ANK2: variants seen among roughly 807,000 people sequenced by gnomAD.
ANK2 encodes ankyrin 2.
In ANK2, 83 loss-of-function variants were observed where a neutral mutation model predicts 360.5. The ratio of observed to expected loss-of-function variants is 0.23; its 90% CI spans 0.19 to 0.28. The LOEUF (loss-of-function observed/expected upper bound fraction) is 0.28. Ranked by LOEUF, ANK2 falls within the 10% of genes least tolerant of loss-of-function variation. The probability of loss-of-function intolerance (pLI) is 1.00; values close to 1 mark genes in which losing one functional copy is unlikely to be tolerated. For synonymous variants in ANK2, 1,740 were observed against 1,759.5 expected, an observed-to-expected ratio of 0.99 and a Z score of 0.28; for missense variants, 4,201 against 4,795.7, an observed-to-expected ratio of 0.88 and a Z score of 3.66.
At chr4:112,715,127 A>C in the ANK2 span, among the ~76,000 whole-genome samples, 1 of 152,264 alleles carries the variant, frequency 6.6e-6, no homozygotes, top group African/African-American at 2.4e-5. Flanking sequence ...ACGTCTGGTG[A>C]CCAATACTAC....
intron 43 of ANK2, chr4:113,372,684 G>A: frequency 1.7e-6 from 2 of 1,169,668 alleles, no homozygotes; most frequent in Admixed American, 4.1e-5. Context: ...TTCTAAGAGT[G>A]ATCAACCTGG....
At chr4:112,775,918 A>G in the ANK2 span, among the ~76,000 whole-genome samples, 1 of 152,202 alleles carries the variant, frequency 6.6e-6, no homozygotes, top group East Asian at 1.9e-4. Context: ...TTGTTAAAAC[A>G]TGTTGCAGCC....
At chr4:112,958,130 G>A (rs951592133) in intron 2 of ANK2, among the ~76,000 whole-genome samples, 1 of 150,642 alleles carries the variant, frequency 6.6e-6, no homozygotes, top group African/African-American at 2.4e-5. Context: ...CAGGCAGAGG[G>A]GCTCCTCACG....
chr4:112,776,874 C>T, the ANK2 span, among the ~76,000 whole-genome samples: 1 of 152,296 alleles, frequency 6.6e-6, no homozygotes, highest in South Asian at 2.1e-4. Flanking sequence ...TGTTTCATCC[C>T]TGAATGGCTT....
chr4:112,732,292 C>T, the ANK2 span, among the ~76,000 whole-genome samples: 1 of 150,510 alleles, frequency 6.6e-6, no homozygotes, highest in Non-Finnish European at 1.5e-5. Flanking sequence ...CCCTGTTGCC[C>T]AGGCTGGAGT....
At chr4:113,316,848 T>A (rs558191536) in intron 24 of ANK2, among the ~76,000 whole-genome samples, 1 of 152,258 alleles carries the variant, frequency 6.6e-6, no homozygotes, top group South Asian at 2.1e-4. Flanking sequence ...AAAAATGTAA[T>A]GCATGGTTTA....
Position 113,354,295 on chromosome 4 carries a change from G to T in ANK2, c.5677G>T (p.Val1893Leu), listed in dbSNP as rs2095603402. Residue 1893 changes from valine (V) to leucine (L), a missense_variant, in exon 38 of 46, where the codon GTG becomes TTG. Val to Leu is a conservative substitution (Grantham distance 32). This residue lies in a region of ANK2 where 2,642 missense variants were observed against 2,714.5 expected (regional missense o/e 0.97). Coordinates refer to ENST00000357077, the MANE Select transcript of ANK2 (RefSeq NM_001148.6). ...PSTKTERHSP[V>L]SSTKTERHPP... ...GACAAAAACTGAAAGGCACTCTCCTGTGTCATCTACAAAAACAGAAAGACA... is the reference window on the plus strand; with the variant it reads ...GACAAAAACTGAAAGGCACTCTCCTTTGTCATCTACAAAAACAGAAAGACA... 6.2e-7 allele frequency: 1 copy of T among 1,614,086 alleles called. No homozygotes were observed. Among genetic ancestry groups the T allele is most frequent in the Non-Finnish European group, 8.5e-7 (1 of 1,179,996 alleles).
At chr4:113,135,309 T>G (rs948105223) in intron 1 of ANK2, among the ~76,000 whole-genome samples, 7 of 151,618 alleles carry the variant, frequency 4.6e-5, no homozygotes, top group African/African-American at 1.7e-4. Flanking sequence ...TAAAGTAAAG[T>G]GATGGCCACA....
At chr4:113,200,520 T>C (rs1007300468) in intron 4 of ANK2, among the ~76,000 whole-genome samples, 3 of 152,186 alleles carry the variant, frequency 2.0e-5, no homozygotes, top group Admixed American at 1.3e-4. Flanking sequence ...ATTATTTCCA[T>C]CTTTATGTCC....
chr4:112,981,817 C>T (rs2043197224), intron 2 of ANK2, among the ~76,000 whole-genome samples: 1 of 152,136 alleles, frequency 6.6e-6, no homozygotes, highest in Admixed American at 6.5e-5. Context: ...TGAAGTAATG[C>T]CTCTTTCTTT....
intron 1 of ANK2, among the ~76,000 whole-genome samples, chr4:113,132,360 A>G (rs192119421): frequency 1.3e-3 from 194 of 152,294 alleles, no homozygotes; most frequent in Admixed American, 2.9e-3. Flanking sequence ...TTGAAGTTAC[A>G]GTATTGCAGT....
the ANK2 span, among the ~76,000 whole-genome samples, chr4:112,756,219 C>A: frequency 1.4e-5 from 2 of 145,180 alleles, no homozygotes; most frequent in African/African-American, 5.6e-5. Flanking sequence ...GCCTGGGTGA[C>A]AGAGTGAGAC....
At chr4:112,847,453 A>G (rs1005395097) in intron 1 of ANK2, among the ~76,000 whole-genome samples, 1 of 152,126 alleles carries the variant, frequency 6.6e-6, no homozygotes, top group Non-Finnish European at 1.5e-5. Flanking sequence ...ACCACTGTCT[A>G]TGTCTATTGA....
intron 2 of ANK2, among the ~76,000 whole-genome samples, chr4:112,991,055 T>G (rs988274159): frequency 2.0e-4 from 31 of 151,940 alleles, no homozygotes; most frequent in Non-Finnish European, 1.2e-4. Flanking sequence ...ATGGGGACCA[T>G]CCTGGCCAAC....
At chr4:113,365,910 T>C (rs1432932885) in intron 41 of ANK2, among the ~76,000 whole-genome samples, 2 of 152,142 alleles carry the variant, frequency 1.3e-5, no homozygotes, top group East Asian at 3.8e-4. Flanking sequence ...TGGATAAAAT[T>C]TCTTCACTTT....
intron 24 of ANK2, among the ~76,000 whole-genome samples, chr4:113,312,689 A>C (rs369352110): frequency 1.8e-4 from 28 of 152,348 alleles, no homozygotes; most frequent in South Asian, 8.3e-4. Context: ...TGGGGAGGGC[A>C]TTTGAAGCCT....
intron 2 of ANK2, among the ~76,000 whole-genome samples, chr4:112,933,906 T>A (rs1357962330): frequency 1.5e-5 from 2 of 132,806 alleles, no homozygotes; most frequent in Non-Finnish European, 3.1e-5. Context: ...CTTGTGGAAT[T>A]TTTTTTTTTT....
At chr4:113,197,740 G>T (rs1240143420) in intron 3 of ANK2, among the ~76,000 whole-genome samples, 1 of 152,132 alleles carries the variant, frequency 6.6e-6, no homozygotes, top group African/African-American at 2.4e-5. Context: ...CTAACAACTG[G>T]CAATTCCACA....
chr4:113,048,276 ATTTTTTTTTTTT>A (rs1165941601), upstream of ANK2, among the ~76,000 whole-genome samples: 25 of 39,702 alleles, frequency 6.3e-4, 1 homozygote, highest in Non-Finnish European at 8.4e-4. Flanking sequence ...ATATATATAT[ATTTTTTTTTTTT>A]TTTTTTTTTT....
Sources: allele counts gnomAD v4.1 joint callset (sites outside exome capture counted in the v4.1 genomes callset), GRCh38; gene constraint gnomAD v4.1.1; regional missense constraint gnomAD v4.1.1; transcripts MANE v1.5; gene names NCBI Gene and HGNC (gene_info 2026-07-23, HGNC 2026-07-21).